Variants in EHMT1 observed in about 807,000 individuals in gnomAD.
The protein encoded by EHMT1 is histone-lysine N-methyltransferase EHMT1.
Under a neutral mutation model 147.2 loss-of-function variants are expected in EHMT1, and 15 were observed. The ratio of observed to expected loss-of-function variants is 0.10; its 90% CI spans 0.07 to 0.16. The LOEUF (loss-of-function observed/expected upper bound fraction) is 0.16, where lower values mean the gene tolerates loss of function less well. EHMT1 is among the 10% of genes least tolerant of loss of function. The probability of loss-of-function intolerance (pLI) is 1.00; values close to 1 mark genes in which losing one functional copy is unlikely to be tolerated. For missense variants in EHMT1, 1,587 were observed against 1,772.4 expected, an observed-to-expected ratio of 0.90 and a Z score of 1.88; for synonymous variants, 795 against 709.6, an observed-to-expected ratio of 1.12 and a Z score of -1.91.
chr9:137,634,795 C>T (rs1843872666), intron 1 of EHMT1, among the ~76,000 whole-genome samples: 1 of 149,026 alleles, frequency 6.7e-6, no homozygotes, highest in African/African-American at 2.5e-5. Context: ...CTCTGCCTTC[C>T]AGGTTCACGC....
intron 1 of EHMT1, among the ~76,000 whole-genome samples, chr9:137,692,407 G>C (rs577753317): frequency 2.5e-3 from 375 of 151,894 alleles, no homozygotes; most frequent in Non-Finnish European, 4.6e-3. Context: ...TGGGATTGCA[G>C]GCGTGCACCA....
At chr9:137,760,835 C>T (rs1056111397) in intron 9 of EHMT1, among the ~76,000 whole-genome samples, 1 of 152,168 alleles carries the variant, frequency 6.6e-6, no homozygotes, top group East Asian at 1.9e-4. Context: ...CAGTGAAACC[C>T]CGTCTCTACT....
intron 1 of EHMT1, among the ~76,000 whole-genome samples, chr9:137,668,928 C>G (rs890247861): frequency 3.9e-5 from 6 of 152,190 alleles, no homozygotes; most frequent in Admixed American, 2.6e-4. Flanking sequence ...GCTCTGTCCC[C>G]CAGGCTGGAG....
rs1237455964 is a variant in EHMT1, at chr9:137,669,282, C to T, written c.22-41685C>T. 2.4e-5 allele frequency among the ~76,000 whole-genome samples: 3 copies of T among 124,034 alleles called. No homozygotes were observed. In the South Asian group the frequency reaches 8.2e-4, roughly 34 times the overall value. 81.4% of individuals were successfully genotyped at this position (124,034 alleles called of 152,430 possible). On this transcript the variant is annotated intron_variant, in intron 1 of 26. Coordinates refer to ENST00000460843, the MANE Select transcript of EHMT1 (RefSeq NM_024757.5). ...TGCTTACTGCTTGCTGGGTGCTGGT[C>T]TCCTGCTTAAAGAGCAGACTGAGGA... is the stretch of plus-strand genomic sequence containing the variant.
In EHMT1 at chr9:137,715,879, C is replaced by T. The variant is rs10118860; in HGVS notation, c.86-747C>T. The T allele has an allele frequency of 7.2e-6, 7 of 972,020 alleles. No homozygotes were observed. The African/African-American group carries it at 1.1e-4, about 15-fold the overall frequency. The allele number at this position is 972,020 out of a possible 1,614,324, so 60.2% of individuals were successfully genotyped here. On this transcript the variant is annotated intron_variant, in intron 2 of 26. Transcript: ENST00000460843. ...TTTATTATAGCAGTGATTCCCCAAA[C>T]TTAACCAACTAACGTTCAACGTTAA...
At chr9:137,705,052 A>G (rs1486227398) in intron 1 of EHMT1, among the ~76,000 whole-genome samples, 1 of 151,014 alleles carries the variant, frequency 6.6e-6, no homozygotes, top group African/African-American at 2.4e-5. Flanking sequence ...CAGTGGTACA[A>G]CCTTGTTTCA....
intron 10 of EHMT1, among the ~76,000 whole-genome samples, chr9:137,766,173 G>T (rs1338373847): frequency 6.6e-6 from 1 of 152,158 alleles, no homozygotes; most frequent in Non-Finnish European, 1.5e-5. Context: ...CAAAATGAAG[G>T]GCCATGTTGT....
intron 22 of EHMT1, among the ~76,000 whole-genome samples, chr9:137,815,097 C>T (rs183037435): frequency 2.0e-5 from 3 of 151,962 alleles, no homozygotes; most frequent in South Asian, 2.1e-4. Context: ...TCAGAGGTCA[C>T]GGTGGGGGCG....
chr9:137,619,147 G>A (rs1257900013), intron 1 of EHMT1, 98 bp downstream of exon 1: 1 of 262,068 alleles, frequency 3.8e-6, no homozygotes, highest in Non-Finnish European at 5.6e-6. Context: ...GCAGGCGGCC[G>A]GCGGGCGGGC....
At chr9:137,677,993 C>T (rs1349892963) in intron 1 of EHMT1, among the ~76,000 whole-genome samples, 4 of 151,834 alleles carry the variant, frequency 2.6e-5, no homozygotes, top group African/African-American at 9.7e-5. Context: ...GGCGTGAACC[C>T]GGGAGGCGGA....
intron 1 of EHMT1, among the ~76,000 whole-genome samples, chr9:137,691,749 C>T (rs1036706131): frequency 3.9e-5 from 6 of 152,224 alleles, no homozygotes; most frequent in African/African-American, 1.2e-4. Flanking sequence ...AGCTTCTCCA[C>T]GTCCTTGCCA....
intron 1 of EHMT1, among the ~76,000 whole-genome samples, chr9:137,659,076 C>A (rs925940681): frequency 6.6e-6 from 1 of 152,024 alleles, no homozygotes; most frequent in African/African-American, 2.4e-5. Context: ...TTTGGTTTTT[C>A]TTATTTTTCT....
intron 1 of EHMT1, among the ~76,000 whole-genome samples, chr9:137,666,455 C>T (rs1939658822): frequency 6.6e-6 from 1 of 152,256 alleles, no homozygotes; most frequent in Non-Finnish European, 1.5e-5. Flanking sequence ...CCATGGCAGC[C>T]TCAGTGGTGG....
At chr9:137,811,349 C>T (rs979274724) in intron 18 of EHMT1, 112 bp from the exon 19 acceptor site, 48 of 1,493,132 alleles carry the variant, frequency 3.2e-5, no homozygotes, top group East Asian at 1.1e-4. Flanking sequence ...CGGACGGCCA[C>T]GCATGCTCCA....
rs566059481 is a variant in EHMT1 at position 137,696,626 on chromosome 9, TC to T, written c.22-14336del. Among the ~76,000 whole-genome samples the T allele has an allele frequency of 1.2e-4, 18 of 152,174 alleles. No individual in the cohort carries two copies. In the South Asian group the frequency reaches 2.5e-3, roughly 21 times the overall value. ...GAGAAGGACCTTCCTTCTAATAGTC[TC>T]CCCCAGGTTGTGAAAGGCAAACATC... is the stretch of plus-strand genomic sequence containing the variant. On this transcript the variant is annotated intron_variant, in intron 1 of 26. Coordinates refer to ENST00000460843, the MANE Select transcript of EHMT1 (RefSeq NM_024757.5).
intron 1 of EHMT1, among the ~76,000 whole-genome samples, chr9:137,671,168 C>T (rs1589194998): frequency 6.6e-6 from 1 of 152,122 alleles, no homozygotes; most frequent in Non-Finnish European, 1.5e-5. Context: ...TCTGTTAACC[C>T]TTTTATAGCT....
intron 6 of EHMT1, chr9:137,747,346 C>G (rs537277626): frequency 6.6e-6 from 1 of 152,138 alleles, no homozygotes; most frequent in Non-Finnish European, 1.5e-5. Flanking sequence ...TTAGTAGAGA[C>G]AACGTTTCAC....
intron 4 of EHMT1, among the ~76,000 whole-genome samples, chr9:137,735,997 G>C (rs1429048050): frequency 1.3e-5 from 2 of 151,988 alleles, no homozygotes; most frequent in African/African-American, 4.8e-5. Flanking sequence ...ACACTAAATG[G>C]ACAAAGGCAG....
At chr9:137,790,675 G>C (rs1459054545) in intron 15 of EHMT1, among the ~76,000 whole-genome samples, 173 bp from the exon 16 acceptor site, 1 of 152,200 alleles carries the variant, frequency 6.6e-6, no homozygotes, top group African/African-American at 2.4e-5. Context: ...CTAAAGGTTT[G>C]ATAATAATAG....
Sources: gnomAD v4.1 joint callset for allele counts (sites outside exome capture counted in the v4.1 genomes callset) on GRCh38, gnomAD v4.1.1 for gene constraint, MANE v1.5 for transcripts, NCBI Gene and HGNC (gene_info 2026-07-23, HGNC 2026-07-21) for gene names.